Variants in SLC17A1 observed in about 807,000 individuals in gnomAD.
SLC17A1 encodes the protein sodium-dependent phosphate transport protein 1.
A neutral mutation model predicts 53.5 loss-of-function variants in SLC17A1; 51 were observed. The observed-to-expected ratio is 0.95, with a 90% CI of 0.76 to 1.20. The LOEUF (loss-of-function observed/expected upper bound fraction) is 1.20. SLC17A1 is among the 50% of genes most tolerant of loss of function. The pLI is 0.00. For synonymous variants in SLC17A1, 179 were observed against 198.8 expected, an observed-to-expected ratio of 0.90 and a Z score of 0.84; for missense variants, 538 against 568.2, an observed-to-expected ratio of 0.95 and a Z score of 0.54.
the SLC17A1 span, among the ~76,000 whole-genome samples, chr6:25,724,654 T>C: frequency 6.6e-6 from 1 of 152,244 alleles, no homozygotes; most frequent in Non-Finnish European, 1.5e-5. Flanking sequence ...TCCCTCCTCC[T>C]CTGCCTTGGC....
intron 3 of SLC17A1, among the ~76,000 whole-genome samples, chr6:25,825,475 T>C (rs1226848020): frequency 6.6e-6 from 1 of 152,046 alleles, no homozygotes; most frequent in Non-Finnish European, 1.5e-5. Flanking sequence ...CACTTTTCTC[T>C]CCTTATTTGC....
chr6:25,763,048 T>C, the SLC17A1 span, among the ~76,000 whole-genome samples: 1 of 152,214 alleles, frequency 6.6e-6, no homozygotes, highest in Non-Finnish European at 1.5e-5. Flanking sequence ...TTGCCATTTA[T>C]GAGCTCATTA....
the SLC17A1 span, chr6:25,727,055 G>A: frequency 1.2e-6 from 2 of 1,614,246 alleles, no homozygotes; most frequent in Non-Finnish European, 1.7e-6. Flanking sequence ...TGCTAAAGCA[G>A]GTCCATCCGG....
At chr6:25,823,185 T>A (rs1056893021) in intron 3 of SLC17A1, among the ~76,000 whole-genome samples, 1 of 152,164 alleles carries the variant, frequency 6.6e-6, no homozygotes. Flanking sequence ...TGTGCCATAG[T>A]TTGTTCAATC....
the SLC17A1 span, among the ~76,000 whole-genome samples, chr6:25,724,372 G>A: frequency 6.6e-6 from 1 of 152,146 alleles, no homozygotes; most frequent in African/African-American, 2.4e-5. Context: ...GTAATGAGCC[G>A]AGATCACGCC....
intron 3 of SLC17A1, among the ~76,000 whole-genome samples, chr6:25,823,285 A>G (rs1052898413): frequency 6.6e-6 from 1 of 152,142 alleles, no homozygotes; most frequent in African/African-American, 2.4e-5. Context: ...ACATTTATGT[A>G]CAAGTCTCTG....
chr6:25,727,428 C>T, the SLC17A1 span: 1 of 719,534 alleles, frequency 1.4e-6, no homozygotes, highest in Non-Finnish European at 2.1e-6. Flanking sequence ...CGGAGTCTCA[C>T]TCTCCCAGGC....
chr6:25,778,984 C>G, downstream of SLC17A1: 1 of 1,587,232 alleles, frequency 6.3e-7, no homozygotes, highest in Non-Finnish European at 8.6e-7. Context: ...GACACAGAGC[C>G]AAAGCCTTTC....
chr6:25,779,030 T>G (rs748442682), downstream of SLC17A1: 2 of 1,613,010 alleles, frequency 1.2e-6, no homozygotes, highest in East Asian at 4.5e-5. Context: ...TGACCGTTAA[T>G]AACTTGTAAT....
At chr6:25,754,289 A>G in the SLC17A1 span, among the ~76,000 whole-genome samples, 1 of 152,220 alleles carries the variant, frequency 6.6e-6, no homozygotes, top group African/African-American at 2.4e-5. Flanking sequence ...GCAAAAAATT[A>G]CAATCAGAAA....
the SLC17A1 span, chr6:25,754,588 C>T: frequency 3.3e-5 from 5 of 152,096 alleles, no homozygotes; most frequent in East Asian, 7.7e-4. Context: ...ATTTAATGAG[C>T]TTGATTTGAT....
chr6:25,744,007 A>C, the SLC17A1 span, among the ~76,000 whole-genome samples: 2 of 152,186 alleles, frequency 1.3e-5, no homozygotes, highest in South Asian at 4.1e-4. Flanking sequence ...ATGCAGAGAA[A>C]AGGGCAAGGT....
chr6:25,770,374 T>A, the SLC17A1 span: 1 of 1,614,130 alleles, frequency 6.2e-7, no homozygotes, highest in Non-Finnish European at 8.5e-7. Flanking sequence ...AATGGAATTT[T>A]TCCCCCCAGG....
the SLC17A1 span, among the ~76,000 whole-genome samples, chr6:25,741,550 A>G: frequency 6.6e-6 from 1 of 152,042 alleles, no homozygotes; most frequent in Non-Finnish European, 1.5e-5. Context: ...CCCTGTCTGT[A>G]CTGAAGATAC....
At chr6:25,790,264 G>A (rs558150519) in intron 12 of SLC17A1, among the ~76,000 whole-genome samples, 6 of 152,204 alleles carry the variant, frequency 3.9e-5, no homozygotes, top group Non-Finnish European at 8.8e-5. Context: ...CCAGATCCAT[G>A]GGTCTGGAAG....
At chr6:25,791,561 GA>G (rs1763500644) in intron 12 of SLC17A1, among the ~76,000 whole-genome samples, 1 of 152,094 alleles carries the variant, frequency 6.6e-6, no homozygotes, top group Non-Finnish European at 1.5e-5. Flanking sequence ...CAAACACTAG[GA>G]AAATGAACCC....
chr6:25,727,368 C>T, the SLC17A1 span: 9 of 1,289,196 alleles, frequency 7.0e-6, no homozygotes, highest in South Asian at 1.1e-4. Flanking sequence ...CAGCTGTGGG[C>T]TTCGTTTTTG....
the SLC17A1 span, chr6:25,769,017 A>G: frequency 5.0e-6 from 8 of 1,613,936 alleles, no homozygotes; most frequent in East Asian, 1.3e-4. Flanking sequence ...GCTGGCCCTC[A>G]TCTTGCAGCT....
In SLC17A1 at chr6:25,826,551, G is replaced by A. The variant is rs779915951; in HGVS notation, c.117C>T (p.Cys39=). 10 of 1,612,034 alleles carry A rather than the reference G, an allele frequency of 6.2e-6. No individual in the cohort carries two copies. The highest frequency in any genetic ancestry group is 8.5e-6 in the Non-Finnish European group (10 of 1,178,666). The change falls in exon 3 of 13, where the codon TGC becomes TGT. Residue 39 remains cysteine, a synonymous_variant. Coordinates refer to ENST00000244527, the MANE Select transcript of SLC17A1 (RefSeq NM_005074.5). ...CNVIITAQRA[C]LNLTMVVMVN... is the part of the protein sequence containing the mutation. Reference sequence around the variant, plus strand: ...CCATGACTACCATTGTGAGGTTCAGGCACGCACGCTGTGCTGTTATTATAA... The same window carrying A: ...CCATGACTACCATTGTGAGGTTCAGACACGCACGCTGTGCTGTTATTATAA...
Sources: allele counts gnomAD v4.1 joint callset (sites outside exome capture counted in the v4.1 genomes callset), GRCh38; gene constraint gnomAD v4.1.1; transcripts MANE v1.5; gene names NCBI Gene and HGNC (gene_info 2026-07-23, HGNC 2026-07-21).